Variants in ZNF385D observed in about 807,000 individuals in gnomAD.
ZNF385D encodes the protein zinc finger protein 385D, also known as zinc finger protein 659.
In ZNF385D, 15 loss-of-function variants were observed where a neutral mutation model predicts 35.8. The ratio of observed to expected loss-of-function variants is 0.42; its 90% CI spans 0.28 to 0.64. The LOEUF (loss-of-function observed/expected upper bound fraction) is 0.64. Ranked by LOEUF, ZNF385D falls within the 30% of genes least tolerant of loss-of-function variation. The pLI is 0.23. For synonymous variants in ZNF385D, 212 were observed against 186.8 expected (o/e 1.13, Z -1.10); for missense variants, 474 against 494.6 (o/e 0.96, Z 0.39).
intron 3 of ZNF385D, among the ~76,000 whole-genome samples, chr3:21,969,947 C>CA (rs1334739000): frequency 6.6e-6 from 1 of 152,074 alleles, no homozygotes; most frequent in African/African-American, 2.4e-5. Context: ...AGATTTTACC[C>CA]AAGACCTCCA....
chr3:22,078,010 C>A (rs1477054980), intron 3 of ZNF385D, among the ~76,000 whole-genome samples: 1 of 151,854 alleles, frequency 6.6e-6, no homozygotes, highest in Non-Finnish European at 1.5e-5. Flanking sequence ...AAATAAAGAT[C>A]ATGTATTTTT....
At chr3:21,540,269 A>G (rs2062140419) in intron 3 of ZNF385D, among the ~76,000 whole-genome samples, 1 of 152,246 alleles carries the variant, frequency 6.6e-6, no homozygotes, top group South Asian at 2.1e-4. Flanking sequence ...TTTTGGTAGA[A>G]TATTTTATAT....
intron 3 of ZNF385D, among the ~76,000 whole-genome samples, chr3:21,991,916 G>A (rs1468319688): frequency 1.3e-5 from 2 of 152,164 alleles, no homozygotes; most frequent in East Asian, 1.9e-4. Context: ...TTAAAAGACA[G>A]TATTTTGATG....
intron 1 of ZNF385D, among the ~76,000 whole-genome samples, chr3:21,710,899 C>G (rs937445642): frequency 2.0e-5 from 3 of 152,204 alleles, no homozygotes; most frequent in Admixed American, 2.0e-4. Context: ...ATCACTCACT[C>G]ATGACCATAA....
intron 3 of ZNF385D, among the ~76,000 whole-genome samples, chr3:22,138,532 T>C (rs1449783675): frequency 2.0e-5 from 3 of 151,580 alleles, no homozygotes; most frequent in African/African-American, 4.9e-5. Flanking sequence ...AACTATCTGA[T>C]CTTTGACAAA....
chr3:22,130,829 T>C (rs1357149469), intron 3 of ZNF385D, among the ~76,000 whole-genome samples: 6 of 152,150 alleles, frequency 3.9e-5, no homozygotes, highest in Non-Finnish European at 8.8e-5. Flanking sequence ...CTGTGGATAG[T>C]TGTTCAATTT....
chr3:21,913,687 C>T (rs1700068854), intron 3 of ZNF385D, among the ~76,000 whole-genome samples: 1 of 152,080 alleles, frequency 6.6e-6, no homozygotes, highest in South Asian at 2.1e-4. Flanking sequence ...CTATCAAATT[C>T]AGATGAAAGT....
At chr3:21,725,329 G>C (rs936250916) in intron 1 of ZNF385D, among the ~76,000 whole-genome samples, 1 of 152,072 alleles carries the variant, frequency 6.6e-6, no homozygotes, top group Non-Finnish European at 1.5e-5. Context: ...AAATAACTAA[G>C]ATCAGAGCGG....
At position 21,858,470 on chromosome 3, in the gene ZNF385D, A is replaced by C. The variant is rs142350509; in HGVS notation, c.326-193442T>G. 1.3e-4 allele frequency among the ~76,000 whole-genome samples: 20 copies of C among 152,116 alleles called. No homozygotes were observed. The East Asian group carries it at 3.9e-3, about 30-fold the overall frequency. On this transcript the variant is annotated intron_variant, in intron 3 of 5. Coordinates refer to the ZNF385D transcript ENST00000494108. The stretch of plus-strand genomic sequence containing the variant: ...TAAAAGGTGGGGCCTTCAAAGGTTA[A>C]TTAGCTCATGAGAGTAGAGTCCTCA...
intron 3 of ZNF385D, among the ~76,000 whole-genome samples, chr3:21,840,268 C>G (rs1021956026): frequency 2.0e-5 from 3 of 151,954 alleles, no homozygotes; most frequent in African/African-American, 4.8e-5. Flanking sequence ...TTAACCCTCA[C>G]AGAAACAAAC....
chr3:21,819,293 T>C (rs887686895), intron 3 of ZNF385D, among the ~76,000 whole-genome samples: 5 of 151,758 alleles, frequency 3.3e-5, no homozygotes, highest in Non-Finnish European at 5.9e-5. Context: ...GTAAATAGAC[T>C]AAGCTCTAGA....
At chr3:21,955,103 T>C (rs1257570031) in intron 3 of ZNF385D, among the ~76,000 whole-genome samples, 1 of 152,144 alleles carries the variant, frequency 6.6e-6, no homozygotes, top group East Asian at 1.9e-4. Flanking sequence ...AGCATCATTG[T>C]GAAAAGGTAT....
intron 1 of ZNF385D, among the ~76,000 whole-genome samples, chr3:21,734,115 A>G (rs1430920707): frequency 6.6e-6 from 1 of 152,194 alleles, no homozygotes; most frequent in Non-Finnish European, 1.5e-5. Context: ...ATCAAATACT[A>G]TTAGTATTTT....
At chr3:22,132,051 T>C (rs56992078) in intron 3 of ZNF385D, among the ~76,000 whole-genome samples, 7 of 152,230 alleles carry the variant, frequency 4.6e-5, no homozygotes, top group South Asian at 4.1e-4. Flanking sequence ...TGTTCATCAA[T>C]TGATAAAGAG....
At chr3:21,653,447 A>G (rs769605691) in intron 2 of ZNF385D, among the ~76,000 whole-genome samples, 26 of 152,200 alleles carry the variant, frequency 1.7e-4, no homozygotes, top group Admixed American at 9.2e-4. Flanking sequence ...ACCTGCACTC[A>G]GTATTTTAAA....
At chr3:22,348,509 A>C (rs13078456) in intron 2 of ZNF385D, among the ~76,000 whole-genome samples, 1 of 146,292 alleles carries the variant, frequency 6.8e-6, no homozygotes. Flanking sequence ...AAAAAAAAAT[A>C]CAAAATTAGC....
chr3:21,696,231 C>A lies in ZNF385D; in HGVS notation c.23-31203G>T, dbSNP rs186892654. 1.8e-4 allele frequency among the ~76,000 whole-genome samples: 28 copies of A among 152,260 alleles called. 1 individual carries two copies. Among genetic ancestry groups the A allele is most frequent in the Admixed American group, 1.5e-3 (23 of 15,284 alleles). ...AAGGAAGTGGTGGAGAGTTTGAACA[C>A]GGACTTTGGAATTAGATTATTTAAG... On this transcript the variant is annotated intron_variant, in intron 1 of 7. Transcript: ENST00000281523.
intron 3 of ZNF385D, among the ~76,000 whole-genome samples, chr3:22,015,409 C>A (rs1471483886): frequency 6.6e-6 from 1 of 152,122 alleles, no homozygotes; most frequent in East Asian, 1.9e-4. Flanking sequence ...AAGAAAATAT[C>A]TACGCTTTTC....
At chr3:21,613,627 G>A (rs1559460208) in intron 2 of ZNF385D, among the ~76,000 whole-genome samples, 1 of 152,098 alleles carries the variant, frequency 6.6e-6, no homozygotes, top group Non-Finnish European at 1.5e-5. Flanking sequence ...ATAAACCTCT[G>A]TTTATTTATT....
Sources: gnomAD v4.1 joint callset for allele counts (sites outside exome capture counted in the v4.1 genomes callset) on GRCh38, gnomAD v4.1.1 for gene constraint, MANE v1.5 for transcripts, NCBI Gene and HGNC (gene_info 2026-07-23, HGNC 2026-07-21) for gene names.